Variants in UACA observed in about 807,000 individuals in gnomAD.
UACA encodes the protein uveal autoantigen with coiled-coil domains and ankyrin repeats, also known as nuclear membrane binding protein.
UACA carries 112 observed loss-of-function variants against 160.5 expected under a neutral mutation model. That is an observed-to-expected ratio of 0.70 (90% CI 0.60 to 0.82). The LOEUF (loss-of-function observed/expected upper bound fraction) is 0.82, where lower values mean the gene tolerates loss of function less well. UACA is among the 40% of genes least tolerant of loss of function. UACA has a pLI of 0.00. For synonymous variants in UACA, 557 were observed against 568.4 expected (o/e 0.98, Z 0.29); for missense variants, 1,574 against 1,614.6 (o/e 0.97, Z 0.43).
intron 1 of UACA, chr15:70,754,307 CTG>C (rs2030283993): frequency 3.0e-6 from 1 of 330,594 alleles, no homozygotes; most frequent in Non-Finnish European, 6.0e-6. Context: ...TCAGCAGAAA[CTG>C]TATGTACTTT....
chr15:70,723,762 A>G (rs1322464987), intron 1 of UACA, among the ~76,000 whole-genome samples: 1 of 151,648 alleles, frequency 6.6e-6, no homozygotes, highest in East Asian at 1.9e-4. Flanking sequence ...CCTCCCGGGT[A>G]GCTGGGACTA....
chr15:70,703,331 A>G lies in UACA; in HGVS notation c.79-3671T>C, dbSNP rs1277381577. On this transcript the variant is annotated intron_variant, in intron 1 of 18. Transcript: ENST00000322954. ...TTTACAGGAAGGAAGTAGCTGCTAT[A>G]TTATAGATCATGCTGCCAGTTAAAA... is the stretch of plus-strand genomic sequence containing the variant. 4.1e-6 allele frequency: 5 copies of G among 1,213,868 alleles called. No individual in the cohort carries two copies. The East Asian group carries it at 2.3e-4, about 56-fold the overall frequency. The allele number at this position is 1,213,868 out of a possible 1,614,324, so 75.2% of individuals were successfully genotyped here. A position where few individuals can be genotyped will look rare whatever the true frequency, so the allele number is the denominator to read the frequency against.
At position 70,656,928 on chromosome 15, in the gene UACA, A is replaced by T. The variant is rs916623904; in HGVS notation, c.*128T>A. 3.4e-6 allele frequency: 2 copies of T among 585,930 alleles called. No individual in the cohort carries two copies. Among genetic ancestry groups the T allele is most frequent in the Non-Finnish European group, 5.7e-6 (2 of 352,286 alleles). The allele number at this position is 585,930 out of a possible 1,614,324, so 36.3% of individuals were successfully genotyped here. A position where few individuals can be genotyped will look rare whatever the true frequency, so the allele number is the denominator to read the frequency against. ...TTCATCTAATTTTAAAAAAAAACCT[A>T]CCAATAGAACAAAATATATTTTATT... On this transcript the variant is annotated 3_prime_UTR_variant, in exon 19 of 19. Coordinates refer to ENST00000322954, the MANE Select transcript of UACA (RefSeq NM_018003.4).
At chr15:70,773,261 G>A in the UACA span, among the ~76,000 whole-genome samples, 187 of 152,226 alleles carry the variant, frequency 1.2e-3, 3 homozygotes, top group Admixed American at 6.1e-3. Flanking sequence ...TTGGCAGCAC[G>A]GGTGTTATTA....
intron 1 of UACA, among the ~76,000 whole-genome samples, chr15:70,716,029 T>C (rs1947396784): frequency 1.3e-5 from 2 of 152,170 alleles, no homozygotes; most frequent in Admixed American, 6.5e-5. Flanking sequence ...GCCCAGCCCT[T>C]TGCAATGTGA....
In UACA at chr15:70,667,854, C is replaced by G; in HGVS notation, c.2830G>C (p.Asp944His). 1.2e-6 allele frequency: 2 copies of G among 1,614,076 alleles called. No individual in the cohort carries two copies. The highest frequency in any genetic ancestry group is 1.7e-6 in the Non-Finnish European group (2 of 1,179,986). ...SLSQSMRKVQ[D>H]SNAEILANYR... ...TTGGCCAAGATTTCAGCATTACTATCCTGCACCTTTCTCATGCTCTGACTT... is the reference window on the plus strand; with the variant it reads ...TTGGCCAAGATTTCAGCATTACTATGCTGCACCTTTCTCATGCTCTGACTT... Residue 944 changes from aspartate to histidine, a missense_variant, in exon 16 of 19, where the codon GAT becomes CAT. By Grantham distance (81) the Asp-to-His change is moderately conservative (BLOSUM62 -1). Coordinates refer to ENST00000322954, the MANE Select transcript of UACA (RefSeq NM_018003.4).
rs115170323 is a variant in UACA, at chr15:70,742,976, T to C, written c.78+20354A>G. ...GGGGTCTGATCTCTCAAGGCCAAAATCAAGGTGCCAGCCAGGCTGGGTTCT... is the reference window on the plus strand; with the variant it reads ...GGGGTCTGATCTCTCAAGGCCAAAACCAAGGTGCCAGCCAGGCTGGGTTCT... On this transcript the variant is annotated intron_variant, in intron 1 of 18. Coordinates refer to ENST00000322954, the MANE Select transcript of UACA (RefSeq NM_018003.4). Among the ~76,000 whole-genome samples, 1,071 of 152,282 alleles carry C rather than the reference T, an allele frequency of 7.0e-3. 11 individuals are homozygous for C. Among genetic ancestry groups the C allele is most frequent in the African/African-American group, 0.025 (1,020 of 41,564 alleles).
upstream of UACA, among the ~76,000 whole-genome samples, chr15:70,763,992 T>C (rs925091276): frequency 5.9e-5 from 9 of 152,214 alleles, no homozygotes; most frequent in Non-Finnish European, 1.2e-4. Context: ...CTTTTCAGTC[T>C]CCTGTTTTAC....
chr15:70,657,339 G>A (rs936238789), intron 18 of UACA, among the ~76,000 whole-genome samples: 2 of 152,210 alleles, frequency 1.3e-5, no homozygotes, highest in African/African-American at 4.8e-5. Context: ...GGCCGGGCGT[G>A]GTGGCTCACG....
Position 70,668,765 on chromosome 15 carries a change from G to A in UACA, c.1919C>T (p.Ser640Leu). The A allele has an allele frequency of 6.2e-7, 1 of 1,613,686 alleles. No homozygotes were observed. Among genetic ancestry groups the A allele is most frequent in the Non-Finnish European group, 8.5e-7 (1 of 1,179,944 alleles). Reference protein sequence around the residue: ...EKFENMKSSLSNEVNEKAKKL... With the variant: ...EKFENMKSSLLNEVNEKAKKL... ...TTTTGCTTTCTCATTCACTTCATTTGATAATGAGCTCTTCATGTTTTCAAA... is the reference window on the plus strand; with the variant it reads ...TTTTGCTTTCTCATTCACTTCATTTAATAATGAGCTCTTCATGTTTTCAAA... Residue 640 changes from serine (S) to leucine (L), a missense_variant, in exon 16 of 19, where the codon TCA (serine) becomes TTA (leucine). Transcript: ENST00000322954.
Position 70,659,395 on chromosome 15 carries a change from G to GTTT in UACA, c.4179+753_4179+755dup, listed in dbSNP as rs71152307. ...TCTTTCCCTTCTTCATTTTTTGTTT[G>GTTT]TTTTTTTTTTTTTTTTTTTTTTTTT... On this transcript the variant is annotated intron_variant, in intron 18 of 18. Coordinates refer to ENST00000322954, the MANE Select transcript of UACA (RefSeq NM_018003.4). Among the ~76,000 whole-genome samples, 165 of 18,650 alleles carry GTTT rather than the reference G, an allele frequency of 8.8e-3. 8 individuals carry two copies. The highest frequency in any genetic ancestry group is 0.012 in the African/African-American group (64 of 5,430). 12.2% of individuals were successfully genotyped at this position (18,650 alleles called of 152,430 possible). A position where few individuals can be genotyped will look rare whatever the true frequency, so the allele number is the denominator to read the frequency against.
intron 10 of UACA, among the ~76,000 whole-genome samples, chr15:70,679,231 C>T (rs1194968249): frequency 1.3e-5 from 2 of 151,570 alleles, no homozygotes; most frequent in East Asian, 3.9e-4. Flanking sequence ...GGTGAAACCC[C>T]GTCTCAACTA....
chr15:70,704,856 T>A (rs1898479021), intron 1 of UACA, among the ~76,000 whole-genome samples: 1 of 152,074 alleles, frequency 6.6e-6, no homozygotes, highest in Admixed American at 6.5e-5. Context: ...GCCCACAAAA[T>A]CACAGCAGAT....
intron 1 of UACA, among the ~76,000 whole-genome samples, chr15:70,744,040 C>T (rs574486160): frequency 4.6e-5 from 7 of 151,946 alleles, no homozygotes; most frequent in African/African-American, 1.7e-4. Context: ...GTCAGGAGAT[C>T]GAGACCATCC....
chr15:70,697,517 A>C (rs1010453252), intron 2 of UACA, among the ~76,000 whole-genome samples: 4 of 152,250 alleles, frequency 2.6e-5, no homozygotes, highest in African/African-American at 9.6e-5. Flanking sequence ...TAGGCTTCAA[A>C]TATTTCATTT....
chr15:70,703,960 C>CCA (rs1898452989), intron 1 of UACA, among the ~76,000 whole-genome samples: 1 of 152,106 alleles, frequency 6.6e-6, no homozygotes, highest in Admixed American at 6.6e-5. Flanking sequence ...GCCCCGTGTC[C>CCA]CACTCTACCC....
chr15:70,763,209 G>T, intron 1 of UACA, 121 bp downstream of exon 1: 2 of 1,125,222 alleles, frequency 1.8e-6, no homozygotes, highest in Non-Finnish European at 1.1e-6. Flanking sequence ...GAGTCGCCAG[G>T]GCCGCCGAAG....
chr15:70,754,566 C>A (rs2030301818), intron 1 of UACA, among the ~76,000 whole-genome samples: 1 of 152,120 alleles, frequency 6.6e-6, no homozygotes, highest in African/African-American at 2.4e-5. Context: ...AAGACATAAC[C>A]CCATAATAAG....
intron 13 of UACA, 108 bp downstream of exon 13, chr15:70,676,385 C>T: frequency 1.2e-6 from 1 of 840,834 alleles, no homozygotes; most frequent in Non-Finnish European, 1.8e-6. Flanking sequence ...ATAAGCAGCC[C>T]AAGGTCACAC....
Sources: allele counts gnomAD v4.1 joint callset (sites outside exome capture counted in the v4.1 genomes callset), GRCh38; gene constraint gnomAD v4.1.1; transcripts MANE v1.5; gene names NCBI Gene and HGNC (gene_info 2026-07-23, HGNC 2026-07-21).